SPOCK3: variants seen among roughly 807,000 people sequenced by gnomAD.
SPOCK3 encodes the protein SPARC (osteonectin), cwcv and kazal like domains proteoglycan 3.
A neutral mutation model predicts 56.6 loss-of-function variants in SPOCK3; 30 were observed. That is an observed-to-expected ratio of 0.53 (90% CI 0.40 to 0.72). SPOCK3 has a LOEUF of 0.72. Among genes scored for constraint, SPOCK3 ranks in the 30% least tolerant of loss-of-function variants. The probability of loss-of-function intolerance (pLI) is 0.00; values close to 1 mark genes in which losing one functional copy is unlikely to be tolerated. For missense variants in SPOCK3, 527 were observed against 530.0 expected (o/e 0.99, Z 0.06); for synonymous variants, 196 against 183.3 (o/e 1.07, Z -0.56).
At chr4:167,190,626 CTTGT>C (rs1732394755) in intron 2 of SPOCK3, among the ~76,000 whole-genome samples, 1 of 145,456 alleles carries the variant, frequency 6.9e-6, no homozygotes, top group Admixed American at 7.0e-5. Flanking sequence ...TGTAGTCTCA[CTTGT>C]TTATTTTTGC....
At chr4:166,844,736 A>G (rs1199837362) in intron 6 of SPOCK3, among the ~76,000 whole-genome samples, 1 of 152,212 alleles carries the variant, frequency 6.6e-6, no homozygotes, top group African/African-American at 2.4e-5. Context: ...ACATATCTAT[A>G]TCTACATCTA....
intron 4 of SPOCK3, among the ~76,000 whole-genome samples, chr4:166,979,346 C>T (rs934903321): frequency 1.3e-5 from 2 of 152,128 alleles, no homozygotes; most frequent in African/African-American, 4.8e-5. Flanking sequence ...GAAAAACAGT[C>T]TCTGGTGGTA....
chr4:167,224,309 T>G (rs1034350676), intron 2 of SPOCK3, among the ~76,000 whole-genome samples: 1 of 152,084 alleles, frequency 6.6e-6, no homozygotes, highest in African/African-American at 2.4e-5. Context: ...GAGGAATCCA[T>G]GAAAAAATAG....
intron 4 of SPOCK3, among the ~76,000 whole-genome samples, chr4:166,914,536 C>T (rs1239897798): frequency 6.6e-5 from 10 of 152,094 alleles, no homozygotes; most frequent in African/African-American, 1.4e-4. Flanking sequence ...TGTGGGAGGC[C>T]GAGACAGGCG....
Position 166,889,344 on chromosome 4 carries a change from T to C in SPOCK3, c.475-100A>G, listed in dbSNP as rs962800849. 1.3e-4 allele frequency: 93 copies of C among 701,450 alleles called. No individual in the cohort carries two copies. The African/African-American group carries it at 1.6e-3, about 12-fold the overall frequency. 43.5% of individuals were successfully genotyped at this position (701,450 alleles called of 1,614,324 possible). A position where few individuals can be genotyped will look rare whatever the true frequency, so the allele number is the denominator to read the frequency against. On this transcript the variant is annotated intron_variant, in intron 5 of 10. Coordinates refer to ENST00000357545, the MANE Select transcript of SPOCK3 (RefSeq NM_001040159.2). ...GAAAGGTAATTTTTGATGCATATAA[T>C]TTGGAGATTTTTCCACCAGGTAATA...
chr4:167,114,043 T>C (rs766829934), intron 2 of SPOCK3, among the ~76,000 whole-genome samples: 14 of 152,196 alleles, frequency 9.2e-5, no homozygotes, highest in Non-Finnish European at 1.5e-4. Context: ...AGGGGAAAAC[T>C]TCCCTTTTTA....
chr4:167,083,163 A>G, intron 2 of SPOCK3: 1 of 764,598 alleles, frequency 1.3e-6, no homozygotes, highest in East Asian at 2.4e-5. Flanking sequence ...TGTTCTTCCT[A>G]CAGACAAGAT....
intron 6 of SPOCK3, among the ~76,000 whole-genome samples, chr4:166,811,101 G>A (rs1050303670): frequency 2.6e-5 from 4 of 151,402 alleles, no homozygotes; most frequent in South Asian, 2.1e-4. Flanking sequence ...CTCTATAAAC[G>A]ATTATTCATT....
intron 2 of SPOCK3, among the ~76,000 whole-genome samples, chr4:167,134,940 T>C (rs901034216): frequency 3.0e-4 from 46 of 151,942 alleles, no homozygotes; most frequent in Non-Finnish European, 6.2e-4. Context: ...AATACCTTAT[T>C]CCCAGTTCTA....
intron 2 of SPOCK3, among the ~76,000 whole-genome samples, chr4:167,084,957 A>C (rs1224029294): frequency 6.6e-6 from 1 of 152,080 alleles, no homozygotes; most frequent in East Asian, 1.9e-4. Flanking sequence ...TTATTAATTG[A>C]AGAATCTGTT....
At chr4:166,992,816 C>CT (rs5863852) in intron 4 of SPOCK3, among the ~76,000 whole-genome samples, 140,512 of 151,992 alleles carry the variant, frequency 0.92, 65,544 homozygotes, top group South Asian at 0.99. Flanking sequence ...CTTTGCTGTA[C>CT]TTTTTCCCCC....
chr4:166,791,113 A>T (rs1406645238), intron 7 of SPOCK3, among the ~76,000 whole-genome samples: 1 of 151,984 alleles, frequency 6.6e-6, no homozygotes, highest in East Asian at 1.9e-4. Flanking sequence ...AAAGAAATAT[A>T]TGGATTAGTC....
chr4:166,921,779 T>C (rs1263297296), intron 4 of SPOCK3, among the ~76,000 whole-genome samples: 2 of 152,244 alleles, frequency 1.3e-5, no homozygotes, highest in South Asian at 2.1e-4. Context: ...TTATTACTTA[T>C]AGTTACAGCT....
chr4:167,076,175 A>G (rs1363387899), intron 2 of SPOCK3, among the ~76,000 whole-genome samples: 1 of 151,818 alleles, frequency 6.6e-6, no homozygotes, highest in Non-Finnish European at 1.5e-5. Flanking sequence ...AGCCCAGAGG[A>G]TTTGGGGAAC....
intron 2 of SPOCK3, among the ~76,000 whole-genome samples, chr4:167,136,136 C>A (rs756866568): frequency 6.6e-6 from 1 of 152,002 alleles, no homozygotes; most frequent in Non-Finnish European, 1.5e-5. Context: ...AAATCTCTAG[C>A]CCCACCCCAA....
chr4:166,781,673 T>C (rs550161395), intron 7 of SPOCK3, among the ~76,000 whole-genome samples: 1 of 152,076 alleles, frequency 6.6e-6, no homozygotes. Flanking sequence ...TAGAGAACAC[T>C]AAACAGAATA....
intron 2 of SPOCK3, among the ~76,000 whole-genome samples, chr4:167,215,653 T>C (rs145012121): frequency 1.3e-5 from 2 of 152,206 alleles, no homozygotes; most frequent in Non-Finnish European, 2.9e-5. Flanking sequence ...CGAAAGCAAA[T>C]ATGGTTTGGA....
At chr4:166,845,371 G>A (rs150925792) in intron 6 of SPOCK3, among the ~76,000 whole-genome samples, 12 of 152,166 alleles carry the variant, frequency 7.9e-5, no homozygotes, top group South Asian at 2.1e-4. Context: ...CAGAAAAACC[G>A]TATGCCCTAT....
intron 8 of SPOCK3, among the ~76,000 whole-genome samples, chr4:166,749,325 A>G (rs1402780451): frequency 8.1e-6 from 1 of 122,946 alleles, no homozygotes; most frequent in Admixed American, 7.9e-5. Context: ...AGATGAGTTC[A>G]TGTCCTTTGT....
Sources: allele counts gnomAD v4.1 joint callset (sites outside exome capture counted in the v4.1 genomes callset), GRCh38; gene constraint gnomAD v4.1.1; transcripts MANE v1.5; gene names NCBI Gene and HGNC (gene_info 2026-07-23, HGNC 2026-07-21).